Variants in AGBL1 observed in about 807,000 individuals in gnomAD.
AGBL1 encodes the protein AGBL carboxypeptidase 1, also known as cytosolic carboxypeptidase 4.
A neutral mutation model predicts 118.9 loss-of-function variants in AGBL1; 130 were observed. That is an observed-to-expected ratio of 1.09 (90% CI 0.95 to 1.26). AGBL1 has a LOEUF of 1.26. AGBL1 is among the 50% of genes most tolerant of loss of function. The probability of loss-of-function intolerance (pLI) is 0.00; values close to 1 mark genes in which losing one functional copy is unlikely to be tolerated. For synonymous variants in AGBL1, 555 were observed against 478.9 expected (o/e 1.16, Z -2.08); for missense variants, 1,584 against 1,298.1 (o/e 1.22, Z -3.38).
intron 17 of AGBL1, among the ~76,000 whole-genome samples, chr15:86,368,720 C>T (rs1211103746): frequency 6.6e-6 from 1 of 152,068 alleles, no homozygotes; most frequent in African/African-American, 2.4e-5. Context: ...GAGGCTCGCA[C>T]ATTTTTATCT....
At chr15:86,805,416 G>A (rs1423674913) in intron 22 of AGBL1, among the ~76,000 whole-genome samples, 1 of 152,116 alleles carries the variant, frequency 6.6e-6, no homozygotes, top group Non-Finnish European at 1.5e-5. Flanking sequence ...GCCACTTGGT[G>A]TGAGATGAGA....
intron 22 of AGBL1, among the ~76,000 whole-genome samples, chr15:86,899,828 C>G (rs993893303): frequency 6.6e-6 from 1 of 152,040 alleles, no homozygotes; most frequent in Non-Finnish European, 1.5e-5. Flanking sequence ...TTGAAGGATG[C>G]GACATATTAT....
intron 21 of AGBL1, among the ~76,000 whole-genome samples, chr15:86,605,854 T>C (rs2469171): frequency 0.87 from 131,776 of 151,976 alleles, 57,909 homozygotes; most frequent in East Asian, 0.99. Context: ...AAGCCAGGCA[T>C]GGTGGCTCAC....
At chr15:86,576,250 T>A (rs975374736) in intron 21 of AGBL1, among the ~76,000 whole-genome samples, 3 of 152,184 alleles carry the variant, frequency 2.0e-5, no homozygotes, top group African/African-American at 4.8e-5. Context: ...ACTTAGAGTG[T>A]TGTTAAAAGA....
chr15:86,326,515 T>C (rs2080186500), intron 17 of AGBL1, among the ~76,000 whole-genome samples: 1 of 152,214 alleles, frequency 6.6e-6, no homozygotes, highest in African/African-American at 2.4e-5. Flanking sequence ...AAGAAGTGAT[T>C]CATTCCTTTG....
intron 24 of AGBL1, among the ~76,000 whole-genome samples, chr15:87,006,630 T>C (rs2081507339): frequency 6.6e-6 from 1 of 152,200 alleles, no homozygotes; most frequent in Non-Finnish European, 1.5e-5. Context: ...CCCTGACCCC[T>C]TGCACTTCCC....
At chr15:86,259,859 G>T (rs967536844) in intron 9 of AGBL1, among the ~76,000 whole-genome samples, 1 of 152,238 alleles carries the variant, frequency 6.6e-6, no homozygotes, top group Non-Finnish European at 1.5e-5. Context: ...TGTATCTGAT[G>T]GGGAGGGACC....
At chr15:86,769,520 A>G (rs963201165) in intron 22 of AGBL1, among the ~76,000 whole-genome samples, 8 of 151,936 alleles carry the variant, frequency 5.3e-5, no homozygotes, top group Admixed American at 5.3e-4. Context: ...ATTTACTTTT[A>G]CCTTCTGCAA....
rs568046290 is a variant in AGBL1, at chr15:87,002,794, T to C, written c.3323+14706T>C. ...GCTCTCTGTTTGTCTGTTATTGGTG[T>C]ATAAGAATGCTTGTGATTTTTGCAC... On this transcript the variant is annotated intron_variant, in intron 24 of 24. Coordinates refer to the AGBL1 transcript ENST00000441037. Among the ~76,000 whole-genome samples, 138 of 152,314 alleles carry C rather than the reference T, an allele frequency of 9.1e-4. 1 individual carries two copies. Among genetic ancestry groups the C allele is most frequent in the Admixed American group, 4.3e-3 (66 of 15,294 alleles).
intron 22 of AGBL1, among the ~76,000 whole-genome samples, chr15:86,675,506 T>C (rs1024485433): frequency 1.3e-5 from 2 of 152,156 alleles, no homozygotes; most frequent in Admixed American, 6.5e-5. Context: ...TCATAGACTA[T>C]AGAAACTTAA....
chr15:86,104,741 T>G (rs1597396906), intron 1 of AGBL1, among the ~76,000 whole-genome samples: 1 of 152,172 alleles, frequency 6.6e-6, no homozygotes. Flanking sequence ...TGCAGTCTGG[T>G]GAGGGCTGGG....
intron 21 of AGBL1, among the ~76,000 whole-genome samples, chr15:86,632,628 ATGT>A (rs1163716733): frequency 5.0e-5 from 6 of 120,872 alleles, no homozygotes; most frequent in African/African-American, 1.9e-4. Context: ...AAATCTCATC[ATGT>A]TTTTTTTTTT....
chr15:86,588,344 C>T (rs1290021061), intron 21 of AGBL1, among the ~76,000 whole-genome samples: 1 of 152,186 alleles, frequency 6.6e-6, no homozygotes, highest in Non-Finnish European at 1.5e-5. Context: ...CCAGTTATCA[C>T]TGACTGAGAG....
chr15:86,994,295 G>T (rs1324310949), intron 24 of AGBL1, among the ~76,000 whole-genome samples: 1 of 149,460 alleles, frequency 6.7e-6, no homozygotes, highest in Non-Finnish European at 1.5e-5. Context: ...AACAACAAGG[G>T]AATATCTCTC....
chr15:86,107,743 G>C (rs1331230500), intron 1 of AGBL1: 2 of 152,262 alleles, frequency 1.3e-5, no homozygotes, highest in African/African-American at 4.8e-5. Context: ...GTAGGGCTCA[G>C]TGAGGCGAGA....
intron 18 of AGBL1, among the ~76,000 whole-genome samples, chr15:86,455,547 T>C (rs2082249070): frequency 1.3e-5 from 2 of 152,306 alleles, no homozygotes; most frequent in South Asian, 4.1e-4. Context: ...TTTAAATATG[T>C]GAACAATCTT....
Position 86,880,726 on chromosome 15 carries a change from G to T in AGBL1, c.3159-26361G>T, listed in dbSNP as rs149719637. 8.8e-4 allele frequency among the ~76,000 whole-genome samples: 134 copies of T among 152,082 alleles called. 1 individual carries two copies. The highest frequency in any genetic ancestry group is 2.9e-3 in the African/African-American group (120 of 41,506). ...TTCTGCATTTGTATATGTGTTGCTG[G>T]GTATGGGTGTGTGTGCATATGTATG... On this transcript the variant is annotated intron_variant, in intron 22 of 22. Coordinates refer to ENST00000614907, the MANE Select transcript of AGBL1 (RefSeq NM_001386094.1).
intron 16 of AGBL1, among the ~76,000 whole-genome samples, chr15:86,291,218 G>A (rs945208654): frequency 6.6e-6 from 1 of 152,078 alleles, no homozygotes; most frequent in African/African-American, 2.4e-5. Flanking sequence ...GCAAAAACTT[G>A]GTTGGATATA....
chr15:86,827,185 G>T (rs535338987), intron 22 of AGBL1, among the ~76,000 whole-genome samples: 50 of 147,390 alleles, frequency 3.4e-4, no homozygotes, highest in Non-Finnish European at 5.2e-4. Flanking sequence ...AATACCAGGG[G>T]ACCTAAAATG....
Sources: allele counts gnomAD v4.1 joint callset (sites outside exome capture counted in the v4.1 genomes callset), GRCh38; gene constraint gnomAD v4.1.1; transcripts MANE v1.5; gene names NCBI Gene and HGNC (gene_info 2026-07-23, HGNC 2026-07-21).